Variants in SMOC2 observed in about 807,000 individuals in gnomAD.
The protein encoded by SMOC2 is SPARC-related modular calcium-binding protein 2.
SMOC2 carries 39 observed loss-of-function variants against 61.4 expected under a neutral mutation model. That is an observed-to-expected ratio of 0.64 (90% CI 0.49 to 0.83). The LOEUF (loss-of-function observed/expected upper bound fraction) is 0.83, where lower values mean the gene tolerates loss of function less well. Among genes scored for constraint, SMOC2 ranks in the 40% least tolerant of loss-of-function variants. The pLI is 0.00. For synonymous variants in SMOC2, 247 were observed against 239.9 expected (o/e 1.03, Z -0.27); for missense variants, 556 against 592.9 (o/e 0.94, Z 0.65).
chr6:168,575,882 T>C (rs6934395), intron 7 of SMOC2, among the ~76,000 whole-genome samples: 17,497 of 151,188 alleles, frequency 0.12, 1,270 homozygotes, highest in African/African-American at 0.18. Flanking sequence ...CCTCCACCAT[T>C]GTGACTTTAC....
At chr6:168,575,684 A>G (rs1784785818) in intron 7 of SMOC2, among the ~76,000 whole-genome samples, 1 of 152,226 alleles carries the variant, frequency 6.6e-6, no homozygotes, top group Non-Finnish European at 1.5e-5. Context: ...CATGCTAAAT[A>G]GCACCCACAC....
At chr6:168,531,362 A>G (rs1783597554) in intron 4 of SMOC2, among the ~76,000 whole-genome samples, 1 of 152,240 alleles carries the variant, frequency 6.6e-6, no homozygotes, top group African/African-American at 2.4e-5. Context: ...TTAGGAATTT[A>G]AAATGTTAAA....
At chr6:168,650,656 A>G in intron 9 of SMOC2, 25 bp from the exon 10 acceptor site, 1 of 1,601,766 alleles carries the variant, frequency 6.2e-7, no homozygotes, top group African/African-American at 1.3e-5. Context: ...TGAGTTAATT[A>G]TGAAAACATA....
intron 7 of SMOC2, among the ~76,000 whole-genome samples, chr6:168,578,662 G>A (rs1562359587): frequency 1.3e-5 from 2 of 152,164 alleles, no homozygotes; most frequent in East Asian, 1.9e-4. Context: ...TTCTACACAC[G>A]GGTTGAGTTA....
chr6:168,661,741 G>A (rs1787515480), intron 11 of SMOC2, among the ~76,000 whole-genome samples: 1 of 152,124 alleles, frequency 6.6e-6, no homozygotes, highest in Non-Finnish European at 1.5e-5. Flanking sequence ...AAAAAAACTG[G>A]CAATTGTTGA....
At chr6:168,559,390 A>G (rs575150896) in intron 7 of SMOC2, among the ~76,000 whole-genome samples, 133 of 152,126 alleles carry the variant, frequency 8.7e-4, no homozygotes, top group African/African-American at 3.2e-3. Context: ...AGTAGGCGGA[A>G]GTTGCAGTGA....
intron 1 of SMOC2, among the ~76,000 whole-genome samples, chr6:168,489,960 T>G (rs1320898766): frequency 6.6e-6 from 1 of 151,892 alleles, no homozygotes; most frequent in Non-Finnish European, 1.5e-5. Flanking sequence ...TGGGTCCTCT[T>G]GGATCACACT....
At chr6:168,455,815 C>A (rs532348835) in intron 1 of SMOC2, among the ~76,000 whole-genome samples, 1 of 152,308 alleles carries the variant, frequency 6.6e-6, no homozygotes, top group Non-Finnish European at 1.5e-5. Context: ...TACAAATGGG[C>A]AGCTCTGGGG....
intron 1 of SMOC2, among the ~76,000 whole-genome samples, chr6:168,503,563 G>A (rs889903531): frequency 1.3e-5 from 2 of 152,118 alleles, no homozygotes; most frequent in Non-Finnish European, 2.9e-5. Flanking sequence ...GAAAGAGCTC[G>A]TTATTTTATC....
intron 7 of SMOC2, among the ~76,000 whole-genome samples, chr6:168,564,232 G>T (rs535037228): frequency 6.6e-6 from 1 of 151,812 alleles, no homozygotes; most frequent in South Asian, 2.1e-4. Flanking sequence ...TGATTCACAC[G>T]TATTTTCTTC....
chr6:168,667,231 CG>C lies in SMOC2; in HGVS notation c.*795del, dbSNP rs1787683672. On this transcript the variant is annotated 3_prime_UTR_variant, in exon 13 of 13. Coordinates refer to ENST00000356284, the MANE Select transcript of SMOC2 (RefSeq NM_001166412.2). ...TCCTTCCAAAATGTAAATCCAGTCG[CG>C]GTGTGACCGAGCTGGCTAACAGGCT... 1 of 152,174 alleles carries C rather than the reference CG, an allele frequency of 6.6e-6. No individual in the cohort carries two copies. Among genetic ancestry groups the C allele is most frequent in the Non-Finnish European group, 1.5e-5 (1 of 68,050 alleles). The allele number at this position is 152,174 out of a possible 1,614,324, so 9.4% of individuals were successfully genotyped here.
intron 9 of SMOC2, among the ~76,000 whole-genome samples, chr6:168,625,915 G>T (rs1444813480): frequency 2.6e-5 from 4 of 152,234 alleles, no homozygotes; most frequent in Non-Finnish European, 5.9e-5. Context: ...CGAATTCCGT[G>T]GTTACGTGTT....
chr6:168,631,328 A>C (rs115682724), intron 9 of SMOC2, among the ~76,000 whole-genome samples: 4,670 of 152,298 alleles, frequency 0.031, 263 homozygotes, highest in African/African-American at 0.11. Context: ...GCCTTGGAGC[A>C]TCAGAGATGA....
At chr6:168,533,096 C>A (rs992202393) in intron 4 of SMOC2, among the ~76,000 whole-genome samples, 1 of 152,060 alleles carries the variant, frequency 6.6e-6, no homozygotes, top group Non-Finnish European at 1.5e-5. Flanking sequence ...TGCCTCTCTG[C>A]GGTCTGAATT....
intron 8 of SMOC2, 79 bp from the exon 9 acceptor site, chr6:168,608,078 C>T (rs1238117877): frequency 5.1e-6 from 7 of 1,375,016 alleles, no homozygotes; most frequent in Non-Finnish European, 7.1e-6. Flanking sequence ...TAGGACACTC[C>T]AGAAATGGAA....
intron 7 of SMOC2, among the ~76,000 whole-genome samples, chr6:168,554,501 C>A (rs1784200529): frequency 6.6e-6 from 1 of 152,196 alleles, no homozygotes; most frequent in Admixed American, 6.5e-5. Flanking sequence ...GGCTCCTGGG[C>A]AGCCTGCCCC....
At chr6:168,648,726 C>A (rs965235813) in intron 9 of SMOC2, among the ~76,000 whole-genome samples, 7 of 152,166 alleles carry the variant, frequency 4.6e-5, no homozygotes, top group Non-Finnish European at 7.3e-5. Context: ...TCTCAGAACC[C>A]CCCTGGTGAA....
chr6:168,497,190 C>G (rs1456757040), intron 1 of SMOC2, among the ~76,000 whole-genome samples: 1 of 152,242 alleles, frequency 6.6e-6, no homozygotes, highest in Non-Finnish European at 1.5e-5. Context: ...AAGCCCATGA[C>G]TGGGTTCTCC....
At chr6:168,484,986 G>A (rs1165215688) in intron 1 of SMOC2, among the ~76,000 whole-genome samples, 1 of 152,178 alleles carries the variant, frequency 6.6e-6, no homozygotes, top group Admixed American at 6.5e-5. Flanking sequence ...CAGGGGTTGA[G>A]CTTTACAAGT....
Sources: allele counts gnomAD v4.1 joint callset (sites outside exome capture counted in the v4.1 genomes callset), GRCh38; gene constraint gnomAD v4.1.1; transcripts MANE v1.5; gene names NCBI Gene and HGNC (gene_info 2026-07-23, HGNC 2026-07-21).